The following GLP2R variants were observed in gnomAD, a reference collection of about 807,000 sequenced individuals.
GLP2R encodes the protein glucagon-like peptide 2 receptor.
GLP2R carries 59 observed loss-of-function variants against 68.2 expected under a neutral mutation model. That is an observed-to-expected ratio of 0.87 (90% confidence interval 0.70 to 1.07). GLP2R has a LOEUF of 1.07. GLP2R is among the 50% of genes least tolerant of loss of function. The pLI is 0.00. For missense variants in GLP2R, 548 were observed against 677.4 expected (o/e 0.81, Z 2.12); for synonymous variants, 270 against 265.4 (o/e 1.02, Z -0.17).
chr17:9,859,880 C>T (rs2066971038), intron 6 of GLP2R, 62 bp from the exon 7 acceptor site: 2 of 1,313,172 alleles, frequency 1.5e-6, no homozygotes, highest in Admixed American at 2.6e-5. Context: ...GCCCTTCTCC[C>T]CCGACTCGGG....
intron 4 of GLP2R, among the ~76,000 whole-genome samples, chr17:9,847,920 C>T (rs75104779): frequency 0.04 from 6,063 of 152,142 alleles, 423 homozygotes; most frequent in African/African-American, 0.14. Flanking sequence ...GAGGCTGAGG[C>T]GGGAGGGCTG....
Position 9,880,829 on chromosome 17 carries a change from G to A in GLP2R, c.1284+313G>A, listed in dbSNP as rs572027003. Reference sequence around the variant, plus strand: ...TTTATTAAGTGCCTATTTTTGCTGGGTTCTCTGCAGAGCATTGTGCAAAGT... The same window carrying A: ...TTTATTAAGTGCCTATTTTTGCTGGATTCTCTGCAGAGCATTGTGCAAAGT... On this transcript the variant is annotated intron_variant, in intron 11 of 12. Transcript: ENST00000262441. 2.0e-5 allele frequency among the ~76,000 whole-genome samples: 3 copies of A among 152,230 alleles called. No homozygotes were observed. The South Asian group carries it at 6.2e-4, about 32-fold the overall frequency.
In GLP2R at chr17:9,857,455, T is replaced by A; in HGVS notation, c.644T>A (p.Met215Lys). ...CACTGCACGCGCAACTACATCCACA[T>A]GAACTTGTTTGCTTCTTTCATCCTG... ...KLHCTRNYIHMNLFASFILRT... is the reference protein window; with the variant it reads ...KLHCTRNYIHKNLFASFILRT... The change falls in exon 6 of 13, where the codon ATG (methionine) becomes AAG (lysine). Residue 215 changes from methionine to lysine, a missense_variant. Physicochemically the swap from Met to Lys is moderately conservative, Grantham distance 95. Coordinates refer to ENST00000262441, the MANE Select transcript of GLP2R (RefSeq NM_004246.3). 1 of 1,614,164 alleles carries A rather than the reference T, an allele frequency of 6.2e-7. No homozygotes were observed. The highest frequency in any genetic ancestry group is 2.2e-5 in the East Asian group (1 of 44,884).
intron 4 of GLP2R, among the ~76,000 whole-genome samples, chr17:9,843,270 T>C (rs2066805510): frequency 6.6e-6 from 1 of 152,250 alleles, no homozygotes; most frequent in African/African-American, 2.4e-5. Flanking sequence ...CTTGGGATTT[T>C]CCACAGCTCT....
intron 10 of GLP2R, among the ~76,000 whole-genome samples, chr17:9,879,155 C>T (rs192012989): frequency 1.4e-3 from 216 of 151,820 alleles, no homozygotes; most frequent in African/African-American, 5.1e-3. Context: ...TGGTTTGCAC[C>T]TGTAATCCCA....
chr17:9,826,657 C>A (rs1354620248), intron 1 of GLP2R, among the ~76,000 whole-genome samples: 1 of 152,088 alleles, frequency 6.6e-6, no homozygotes, highest in Non-Finnish European at 1.5e-5. Context: ...ATCCATTTTT[C>A]TTTTTCCTTT....
At chr17:9,872,951 A>T (rs1469773995) in intron 10 of GLP2R, among the ~76,000 whole-genome samples, 1 of 152,180 alleles carries the variant, frequency 6.6e-6, no homozygotes, top group Non-Finnish European at 1.5e-5. Flanking sequence ...TTTGGTCCAA[A>T]CATTTTGCAA....
intron 1 of GLP2R, among the ~76,000 whole-genome samples, chr17:9,828,486 C>T (rs1367030465): frequency 6.6e-6 from 1 of 152,182 alleles, no homozygotes; most frequent in Non-Finnish European, 1.5e-5. Flanking sequence ...CATGCCAAGC[C>T]CTGAGACAGC....
intron 1 of GLP2R, among the ~76,000 whole-genome samples, chr17:9,827,383 C>T (rs1341058760): frequency 6.6e-6 from 1 of 152,054 alleles, no homozygotes; most frequent in Non-Finnish European, 1.5e-5. Flanking sequence ...CTTGTTAATC[C>T]CCTTTTACAG....
rs559358936 is a variant in GLP2R at position 9,842,719 on chromosome 17, C to T, written c.504+103C>T. On this transcript the variant is annotated intron_variant, in intron 4 of 12. Transcript: ENST00000262441. The stretch of plus-strand genomic sequence containing the variant: ...CTCCAGGGGCCACACAAAGAGGCTT[C>T]TCCAGCGCCTCTCCCCGGGGAAGCT... 2.1e-3 allele frequency: 2,530 copies of T among 1,224,578 alleles called. 3 individuals carry two copies. Among genetic ancestry groups the T allele is most frequent in the Non-Finnish European group, 2.7e-3 (2,351 of 865,180 alleles). The allele number at this position is 1,224,578 out of a possible 1,614,324, so 75.9% of individuals were successfully genotyped here.
At chr17:9,886,745 A>G (rs1173813088) in intron 11 of GLP2R, among the ~76,000 whole-genome samples, 2 of 152,252 alleles carry the variant, frequency 1.3e-5, no homozygotes, top group Admixed American at 1.3e-4. Flanking sequence ...CAGAAGGGAC[A>G]TGCTGAACAA....
At chr17:9,856,914 T>C (rs2066938484) in intron 5 of GLP2R, among the ~76,000 whole-genome samples, 1 of 152,106 alleles carries the variant, frequency 6.6e-6, no homozygotes, top group African/African-American at 2.4e-5. Context: ...AGATGTTTTG[T>C]AGGTGATAGC....
intron 3 of GLP2R, among the ~76,000 whole-genome samples, chr17:9,840,402 C>T (rs1209207535): frequency 1.3e-5 from 2 of 152,246 alleles, no homozygotes; most frequent in Non-Finnish European, 2.9e-5. Flanking sequence ...CAGCACAAAG[C>T]ATTATGGCTA....
At chr17:9,827,684 T>C (rs73265315) in intron 1 of GLP2R, among the ~76,000 whole-genome samples, 29,577 of 151,954 alleles carry the variant, frequency 0.19, 4,016 homozygotes, top group African/African-American at 0.37. Context: ...TGGCTCAGAC[T>C]GGGCACGGTA....
intron 1 of GLP2R, among the ~76,000 whole-genome samples, chr17:9,828,072 C>A (rs1232286921): frequency 6.6e-6 from 1 of 151,960 alleles, no homozygotes; most frequent in East Asian, 1.9e-4. Context: ...CCATGTAGGG[C>A]AGGCTGTGGT....
At chr17:9,870,281 G>A (rs1370386919) in intron 9 of GLP2R, among the ~76,000 whole-genome samples, 1 of 152,140 alleles carries the variant, frequency 6.6e-6, no homozygotes, top group Non-Finnish European at 1.5e-5. Flanking sequence ...AGGGGATGTT[G>A]TAAAAACTAG....
intron 9 of GLP2R, among the ~76,000 whole-genome samples, chr17:9,870,347 A>G (rs774650792): frequency 6.6e-6 from 1 of 152,212 alleles, no homozygotes; most frequent in Non-Finnish European, 1.5e-5. Context: ...GCTAAGTACT[A>G]AGTGATAAGT....
At chr17:9,850,780 A>G (rs989795906) in intron 4 of GLP2R, among the ~76,000 whole-genome samples, 1 of 142,304 alleles carries the variant, frequency 7.0e-6, no homozygotes, top group African/African-American at 2.7e-5. Flanking sequence ...TGCAACCTCC[A>G]CCTCCAGGGT....
intron 12 of GLP2R, among the ~76,000 whole-genome samples, chr17:9,889,036 C>T (rs546145707): frequency 6.6e-6 from 1 of 152,314 alleles, no homozygotes; most frequent in Admixed American, 6.5e-5. Context: ...GCAAAACCAT[C>T]TTCTGTTTTG....
Sources: allele counts gnomAD v4.1 joint callset (sites outside exome capture counted in the v4.1 genomes callset), GRCh38; gene constraint gnomAD v4.1.1; transcripts MANE v1.5; gene names NCBI Gene and HGNC (gene_info 2026-07-23, HGNC 2026-07-21).